The following ADAMTS3 variants were observed in gnomAD, a reference collection of about 807,000 sequenced individuals.
ADAMTS3 encodes the protein A disintegrin and metalloproteinase with thrombospondin motifs 3.
ADAMTS3 carries 73 observed loss-of-function variants against 129.0 expected under a neutral mutation model. The ratio of observed to expected loss-of-function variants is 0.57; its 90% confidence interval spans 0.47 to 0.69. ADAMTS3 has a LOEUF of 0.69. Ranked by LOEUF, ADAMTS3 falls within the 30% of genes least tolerant of loss-of-function variation. The probability of loss-of-function intolerance (pLI) is 0.00; values close to 1 mark genes in which losing one functional copy is unlikely to be tolerated. For missense variants in ADAMTS3, 1,457 were observed against 1,514.5 expected, an observed-to-expected ratio of 0.96 and a Z score of 0.63; for synonymous variants, 477 against 510.8, an observed-to-expected ratio of 0.93 and a Z score of 0.89.
intron 2 of ADAMTS3, among the ~76,000 whole-genome samples, chr4:72,549,949 GTAAA>G (rs1256216600): frequency 5.1e-5 from 2 of 39,390 alleles, no homozygotes; most frequent in East Asian, 1.6e-3. Context: ...GGCAACAAGG[GTAAA>G]AAAAAAAAAA....
intron 4 of ADAMTS3, among the ~76,000 whole-genome samples, chr4:72,394,422 T>C (rs1168389134): frequency 5.9e-5 from 9 of 152,240 alleles, no homozygotes; most frequent in Admixed American, 5.9e-4. Context: ...AAGCTCTTTG[T>C]GTCTTCCTTT....
At chr4:72,461,242 A>C (rs934802303) in intron 3 of ADAMTS3, among the ~76,000 whole-genome samples, 1 of 151,686 alleles carries the variant, frequency 6.6e-6, no homozygotes, top group Non-Finnish European at 1.5e-5. Flanking sequence ...AAAAAATATG[A>C]AATATTATGA....
At chr4:72,311,643 T>C (rs551831524) in intron 13 of ADAMTS3, among the ~76,000 whole-genome samples, 2 of 152,278 alleles carry the variant, frequency 1.3e-5, no homozygotes, top group East Asian at 1.9e-4. Context: ...TCTTAATGCA[T>C]TGCAACTTTG....
chr4:72,407,689 A>G (rs939864914), intron 4 of ADAMTS3, among the ~76,000 whole-genome samples: 4 of 152,196 alleles, frequency 2.6e-5, no homozygotes, highest in African/African-American at 9.7e-5. Context: ...AAGATGTTTG[A>G]TATTATCAGA....
chr4:72,329,080 T>C (rs964304549), intron 5 of ADAMTS3, among the ~76,000 whole-genome samples: 2 of 152,226 alleles, frequency 1.3e-5, no homozygotes, highest in African/African-American at 4.8e-5. Flanking sequence ...ACAGTGGCTA[T>C]GTGCCCAAAT....
At chr4:72,414,149 A>C (rs1722248157) in intron 4 of ADAMTS3, among the ~76,000 whole-genome samples, 1 of 151,862 alleles carries the variant, frequency 6.6e-6, no homozygotes, top group Admixed American at 6.6e-5. Flanking sequence ...TAGATTCCTA[A>C]ATTTTTTTTT....
At position 72,548,752 on chromosome 4, in the gene ADAMTS3, G is replaced by A; in HGVS notation, c.230C>T (p.Pro77Leu). 1.9e-6 allele frequency: 3 copies of A among 1,613,972 alleles called. No homozygotes were observed. Among genetic ancestry groups the A allele is most frequent in the Non-Finnish European group, 2.5e-6 (3 of 1,179,904 alleles). The change falls in exon 3 of 22, where the codon CCT (proline) becomes CTT (leucine). Residue 77 changes from proline (P) to leucine (L), a missense_variant. Pro to Leu is a moderately conservative substitution (Grantham distance 98). Transcript: ENST00000286657. ...CGTGATGTTAAAGAACAACTGCTCA[G>A]GGTTGGAAGACACGTCCCTCGCTGA... is the stretch of plus-strand genomic sequence containing the variant. ...KRSARDVSSN[P>L]EQLFFNITAF...
chr4:72,471,159 C>G (rs1458252993), intron 3 of ADAMTS3, among the ~76,000 whole-genome samples: 2 of 152,136 alleles, frequency 1.3e-5, no homozygotes, highest in African/African-American at 4.8e-5. Flanking sequence ...AGGAAAACAA[C>G]TAACAGGATA....
intron 3 of ADAMTS3, among the ~76,000 whole-genome samples, chr4:72,434,869 G>T (rs1201641553): frequency 1.3e-5 from 2 of 151,830 alleles, no homozygotes; most frequent in Non-Finnish European, 2.9e-5. Context: ...CGTCTATGCA[G>T]ATGATTACAT....
At position 72,323,032 on chromosome 4, in the gene ADAMTS3, T is replaced by C; in HGVS notation, c.927A>G (p.Ile309Met). The stretch of plus-strand genomic sequence containing the variant: ...ATTTTACCTTTGCATATCCCAGCAT[T>C]ATCATGCGCACCAGGACCACATTTA... ...VHINVVLVRM[I>M]MLGYAKSISL... is the part of the protein sequence containing the mutation. The change falls in exon 6 of 22, where the codon ATA (isoleucine) becomes ATG (methionine). Residue 309 changes from isoleucine to methionine, a missense_variant. Ile to Met is a conservative substitution (Grantham distance 10, BLOSUM62 1). Coordinates refer to ENST00000286657, the MANE Select transcript of ADAMTS3 (RefSeq NM_014243.3). 6.2e-7 allele frequency: 1 copy of C among 1,613,396 alleles called. No individual in the cohort carries two copies. The highest frequency in any genetic ancestry group is 8.5e-7 in the Non-Finnish European group (1 of 1,179,492).
At position 72,567,385 on chromosome 4, in the gene ADAMTS3, A is replaced by G. The variant is rs764781765; in HGVS notation, c.86T>C (p.Met29Thr). 1.9e-6 allele frequency: 3 copies of G among 1,608,474 alleles called. No individual in the cohort carries two copies. The highest frequency in any genetic ancestry group is 2.2e-5 in the South Asian group (2 of 90,816). The change falls in exon 2 of 22, where the codon ATG (methionine) becomes ACG (threonine). Residue 29 changes from methionine (M) to threonine (T), a missense_variant. Physicochemically the swap from Met to Thr is moderately conservative, Grantham distance 81 (BLOSUM62 -1). Coordinates refer to ENST00000286657, the MANE Select transcript of ADAMTS3 (RefSeq NM_014243.3). ...SADGQAGNEEMVQIDLPIKRY... is the reference protein window; with the variant it reads ...SADGQAGNEETVQIDLPIKRY... Reference sequence around the variant, plus strand: ...AGAACAAAGCTTACCTATTTGCACCATTTCTTCATTACCAGCCTGGAAAGG... The same window carrying G: ...AGAACAAAGCTTACCTATTTGCACCGTTTCTTCATTACCAGCCTGGAAAGG...
At chr4:72,387,270 A>G (rs1204177917) in intron 4 of ADAMTS3, among the ~76,000 whole-genome samples, 1 of 152,202 alleles carries the variant, frequency 6.6e-6, no homozygotes, top group Non-Finnish European at 1.5e-5. Context: ...CCCTGTTATC[A>G]GTCACATTTT....
Position 72,298,421 on chromosome 4 carries a change from T to C in ADAMTS3, c.2446A>G (p.Thr816Ala), listed in dbSNP as rs1400847659. 1 of 1,605,436 alleles carries C rather than the reference T, an allele frequency of 6.2e-7. No homozygotes were observed. Among genetic ancestry groups the C allele is most frequent in the South Asian group, 1.1e-5 (1 of 89,638 alleles). Residue 816 changes from threonine to alanine, a missense_variant, in exon 18 of 22, where the codon ACC becomes GCC. Physicochemically the swap from Thr to Ala is moderately conservative, Grantham distance 58. Coordinates refer to ENST00000286657, the MANE Select transcript of ADAMTS3 (RefSeq NM_014243.3). ...IVLIIPQEND[T>A]RSSLTYKYII... Reference sequence around the variant, plus strand: ...TACTTATATGTCAGGCTAGAGCGGGTATCATTTTCTTGAGGTATAATCTAA... The same window carrying C: ...TACTTATATGTCAGGCTAGAGCGGGCATCATTTTCTTGAGGTATAATCTAA...
rs536937223 is a variant in ADAMTS3, at chr4:72,314,234, C to A, written c.1600-412G>T. On this transcript the variant is annotated intron_variant, in intron 11 of 21. Transcript: ENST00000286657. ...TTAAAAATGATAAAATAAACTATGT[C>A]TTGGTTTAGATAATAATATAACATG... 2.6e-5 allele frequency among the ~76,000 whole-genome samples: 4 copies of A among 152,126 alleles called. No homozygotes were observed. In the South Asian group the frequency reaches 8.3e-4, roughly 31 times the overall value.
rs59742840 is a variant in ADAMTS3 at position 72,344,798 on chromosome 4, G to A, written c.662-5105C>T. ...GGATAAAGGGACATGCTGAATAGAG[G>A]AGAGTCTGACACTTTAAAGGAGTGT... On this transcript the variant is annotated intron_variant, in intron 4 of 21. Transcript: ENST00000286657. Among the ~76,000 whole-genome samples, 1,436 of 152,146 alleles carry A rather than the reference G, an allele frequency of 9.4e-3. 29 individuals carry two copies. The highest frequency in any genetic ancestry group is 0.033 in the African/African-American group (1,352 of 41,504).
intron 5 of ADAMTS3, among the ~76,000 whole-genome samples, chr4:72,334,082 T>C (rs1422725374): frequency 6.6e-6 from 1 of 151,986 alleles, no homozygotes; most frequent in East Asian, 1.9e-4. Flanking sequence ...CTCAATTTCA[T>C]GACCTCGTGA....
chr4:72,287,320 G>A (rs1205039049), intron 21 of ADAMTS3, among the ~76,000 whole-genome samples: 1 of 151,686 alleles, frequency 6.6e-6, no homozygotes, highest in East Asian at 1.9e-4. Context: ...AACAGACTAA[G>A]GCAGTGGAGG....
intron 12 of ADAMTS3, 100 bp from the exon 13 acceptor site, chr4:72,312,566 C>G: frequency 2.6e-6 from 3 of 1,154,076 alleles, no homozygotes; most frequent in Non-Finnish European, 3.7e-6. Context: ...AGTTTCTGGG[C>G]TGCCAGCACA....
At chr4:72,474,854 G>T (rs1035123861) in intron 3 of ADAMTS3, among the ~76,000 whole-genome samples, 2 of 151,456 alleles carry the variant, frequency 1.3e-5, no homozygotes, top group African/African-American at 4.8e-5. Context: ...GTGAAACCCC[G>T]TCTCTACTAA....
Sources: allele counts gnomAD v4.1 joint callset (sites outside exome capture counted in the v4.1 genomes callset), GRCh38; gene constraint gnomAD v4.1.1; transcripts MANE v1.5; gene names NCBI Gene and HGNC (gene_info 2026-07-23, HGNC 2026-07-21).